Variants in CSMD1 observed in about 807,000 individuals in gnomAD.
CSMD1 encodes the protein CUB and Sushi multiple domains 1.
A neutral mutation model predicts 417.5 loss-of-function variants in CSMD1; 213 were observed. The observed-to-expected ratio is 0.51, with a 90% confidence interval of 0.46 to 0.57. The LOEUF (loss-of-function observed/expected upper bound fraction) is 0.57. Among genes scored for constraint, CSMD1 ranks in the 20% least tolerant of loss-of-function variants. The pLI is 0.00. For synonymous variants in CSMD1, 2,862 were observed against 1,736.8 expected (o/e 1.65, Z -16.11); for missense variants, 6,923 against 4,529.7 (o/e 1.53, Z -15.17).
intron 1 of CSMD1, among the ~76,000 whole-genome samples, chr8:4,877,766 C>T (rs1348176902): frequency 3.9e-5 from 6 of 152,080 alleles, no homozygotes; most frequent in Non-Finnish European, 8.8e-5. Context: ...GTATTCATGC[C>T]TGTAAAAAGT....
At chr8:4,103,941 A>T (rs1288004878) in intron 3 of CSMD1, among the ~76,000 whole-genome samples, 1 of 151,912 alleles carries the variant, frequency 6.6e-6, no homozygotes, top group African/African-American at 2.4e-5. Context: ...TGCAACATTC[A>T]CTCCTCAAAC....
intron 1 of CSMD1, among the ~76,000 whole-genome samples, chr8:4,820,641 A>C (rs1416110189): frequency 6.6e-6 from 1 of 152,198 alleles, no homozygotes; most frequent in Non-Finnish European, 1.5e-5. Context: ...TGAAAAATTC[A>C]GAATGATTCA....
In CSMD1 at chr8:4,146,594, A is replaced by ATTTT. The variant is rs71205423; in HGVS notation, c.416-114499_416-114496dup. ...TCTGTCTAAATGTTTATATGGACAC[A>ATTTT]TTTTTTTTTTTTTTTTTTTTTTTTT... is the stretch of plus-strand genomic sequence containing the variant. On this transcript the variant is annotated intron_variant, in intron 3 of 69. Transcript: ENST00000635120. Among the ~76,000 whole-genome samples, 22 of 64,254 alleles carry ATTTT rather than the reference A, an allele frequency of 3.4e-4. 1 individual carries two copies. Among genetic ancestry groups the ATTTT allele is most frequent in the African/African-American group, 6.5e-4 (8 of 12,392 alleles). The allele number at this position is 64,254 out of a possible 152,430, so 42.2% of individuals were successfully genotyped here. A position where few individuals can be genotyped will look rare whatever the true frequency, so the allele number is the denominator to read the frequency against.
intron 12 of CSMD1, among the ~76,000 whole-genome samples, chr8:3,419,844 G>A (rs964787763): frequency 6.6e-6 from 1 of 152,154 alleles, no homozygotes. Flanking sequence ...CCACAGTCTG[G>A]AAGCAGGATA....
At chr8:4,188,185 AT>A (rs1798796391) in intron 3 of CSMD1, among the ~76,000 whole-genome samples, 1 of 152,090 alleles carries the variant, frequency 6.6e-6, no homozygotes, top group Non-Finnish European at 1.5e-5. Flanking sequence ...TCTAACGATG[AT>A]TTTGGCAGGA....
At chr8:4,284,475 C>T (rs1585157143) in intron 3 of CSMD1, among the ~76,000 whole-genome samples, 1 of 150,072 alleles carries the variant, frequency 6.7e-6, no homozygotes, top group Admixed American at 6.9e-5. Context: ...ATGTGGCTTT[C>T]TGTTTCCACA....
At chr8:4,473,932 A>G (rs1800665259) in intron 2 of CSMD1, among the ~76,000 whole-genome samples, 1 of 152,194 alleles carries the variant, frequency 6.6e-6, no homozygotes, top group Non-Finnish European at 1.5e-5. Flanking sequence ...AAATAATATT[A>G]AAGCAAATGG....
chr8:3,525,978 C>T (rs1447372691), intron 10 of CSMD1, among the ~76,000 whole-genome samples: 1 of 152,156 alleles, frequency 6.6e-6, no homozygotes. Flanking sequence ...CTGGTAAAAT[C>T]AGCACCTCTC....
rs572955057 is a variant in CSMD1 at position 4,968,625 on chromosome 8, T to G, written c.85+25707A>C. Among the ~76,000 whole-genome samples the G allele has an allele frequency of 5.3e-5, 8 of 152,278 alleles. 1 individual carries two copies. Among genetic ancestry groups the G allele is most frequent in the African/African-American group, 1.9e-4 (8 of 41,578 alleles). Reference sequence around the variant, plus strand: ...GACCAGTTTCTCTCCCCTCCCTCAGTGCTGATTTCAAATATTCTATCAACA... The same window carrying G: ...GACCAGTTTCTCTCCCCTCCCTCAGGGCTGATTTCAAATATTCTATCAACA... On this transcript the variant is annotated intron_variant, in intron 1 of 69. Coordinates refer to ENST00000635120, the MANE Select transcript of CSMD1 (RefSeq NM_033225.6).
intron 1 of CSMD1, among the ~76,000 whole-genome samples, chr8:4,882,245 C>G (rs947281331): frequency 6.6e-6 from 1 of 151,838 alleles, no homozygotes; most frequent in Non-Finnish European, 1.5e-5. Context: ...TCTACGTGCC[C>G]TGAGGGTGGA....
chr8:4,486,359 C>A (rs1801418719), intron 2 of CSMD1, among the ~76,000 whole-genome samples: 1 of 150,006 alleles, frequency 6.7e-6, no homozygotes, highest in Admixed American at 6.7e-5. Context: ...TACCAGGTTG[C>A]ATCTTAAACA....
At chr8:3,897,373 T>G (rs528149309) in intron 5 of CSMD1, among the ~76,000 whole-genome samples, 26 of 152,342 alleles carry the variant, frequency 1.7e-4, no homozygotes, top group African/African-American at 6.3e-4. Flanking sequence ...TTCCTACATT[T>G]GAATACGTGT....
intron 5 of CSMD1, among the ~76,000 whole-genome samples, chr8:3,764,399 C>T (rs141256637): frequency 5.3e-4 from 81 of 152,240 alleles, no homozygotes; most frequent in African/African-American, 9.9e-4. Flanking sequence ...CAAACATAAT[C>T]AAACATATAT....
intron 3 of CSMD1, among the ~76,000 whole-genome samples, chr8:4,117,690 G>A (rs956039881): frequency 3.9e-5 from 6 of 152,136 alleles, no homozygotes; most frequent in African/African-American, 1.4e-4. Context: ...CCTGACACTG[G>A]CCTTCTCTAG....
intron 7 of CSMD1, among the ~76,000 whole-genome samples, chr8:3,666,269 A>T (rs74944151): frequency 3.7e-5 from 4 of 107,890 alleles, no homozygotes; most frequent in African/African-American, 1.2e-4. Flanking sequence ...CACAGGTCTT[A>T]TCTTTTCTTT....
intron 1 of CSMD1, among the ~76,000 whole-genome samples, chr8:4,909,695 C>T (rs1197668895): frequency 6.6e-6 from 1 of 152,076 alleles, no homozygotes; most frequent in African/African-American, 2.4e-5. Flanking sequence ...CTTCTCACAC[C>T]ACTGCTTCCA....
intron 11 of CSMD1, among the ~76,000 whole-genome samples, chr8:3,481,179 AC>A (rs766482888): frequency 0.069 from 8,866 of 127,884 alleles, 1,472 homozygotes; most frequent in South Asian, 0.1. Context: ...AAAAAAAAAA[AC>A]CAGAGTAGTT....
intron 3 of CSMD1, among the ~76,000 whole-genome samples, chr8:4,276,835 C>T (rs375858160): frequency 8.6e-5 from 13 of 151,998 alleles, no homozygotes; most frequent in Non-Finnish European, 1.6e-4. Context: ...TTCAGAAATA[C>T]AATAAATGTT....
chr8:4,859,304 A>G (rs924104067), intron 1 of CSMD1, among the ~76,000 whole-genome samples: 2 of 152,228 alleles, frequency 1.3e-5, no homozygotes, highest in African/African-American at 4.8e-5. Context: ...ACCTAAAACC[A>G]TAAATAACCT....
Sources: gnomAD v4.1 joint callset for allele counts (sites outside exome capture counted in the v4.1 genomes callset) on GRCh38, gnomAD v4.1.1 for gene constraint, MANE v1.5 for transcripts, NCBI Gene and HGNC (gene_info 2026-07-23, HGNC 2026-07-21) for gene names.